Variants in TOLLIP observed in about 807,000 individuals in gnomAD.
TOLLIP encodes the protein toll-interacting protein.
Under a neutral mutation model 33.5 loss-of-function variants are expected in TOLLIP, and 16 were observed. The observed-to-expected ratio is 0.48, with a 90% CI of 0.32 to 0.72. The LOEUF (loss-of-function observed/expected upper bound fraction) is 0.72, where lower values mean the gene tolerates loss of function less well. TOLLIP is among the 30% of genes least tolerant of loss of function. The pLI is 0.03. For synonymous variants in TOLLIP, 176 were observed against 163.7 expected (o/e 1.07, Z -0.57); for missense variants, 325 against 396.6 (o/e 0.82, Z 1.53).
intron 1 of TOLLIP, among the ~76,000 whole-genome samples, chr11:1,301,822 G>T (rs528630262): frequency 6.6e-6 from 1 of 152,246 alleles, no homozygotes; most frequent in African/African-American, 2.4e-5. Flanking sequence ...TGGCTAAAGG[G>T]ACAGAGGAAG....
rs1864345726 is a variant in TOLLIP at position 1,303,583 on chromosome 11, C to T, written c.33+5883G>A. ...AAGGCCGGGTGGCAGGGGCACGCTG[C>T]ACTTCCCACAGGGCAGCAAGGCAGG... On this transcript the variant is annotated intron_variant, in intron 1 of 5. Coordinates refer to ENST00000317204, the MANE Select transcript of TOLLIP (RefSeq NM_019009.4). The surrounding 1 kb of genome is among the most constrained non-coding windows in gnomAD (Gnocchi z 4.2). 6.6e-6 allele frequency among the ~76,000 whole-genome samples: 1 copy of T among 152,230 alleles called. No individual in the cohort carries two copies. Among genetic ancestry groups the T allele is most frequent in the South Asian group, 2.1e-4 (1 of 4,836 alleles).
At chr11:1,297,411 T>C (rs892583032) in intron 1 of TOLLIP, among the ~76,000 whole-genome samples, 1 of 152,026 alleles carries the variant, frequency 6.6e-6, no homozygotes, top group Non-Finnish European at 1.5e-5. Context: ...CCAATGTGAG[T>C]AAACAGAAGG....
intron 1 of TOLLIP, chr11:1,306,319 A>G (rs374624012): frequency 3.3e-5 from 5 of 152,172 alleles, no homozygotes; most frequent in African/African-American, 1.2e-4. Flanking sequence ...CCCAAGGACA[A>G]AAGAACCCTC....
At position 1,276,968 on chromosome 11, in the gene TOLLIP, C is replaced by A; in HGVS notation, c.*71G>T. ...CTCTTTCACGGGAATCTTGTTGGGA[C>A]AGCATTCCTTGGGGAGCGCCGGGTC... On this transcript the variant is annotated 3_prime_UTR_variant, in exon 6 of 6. Coordinates refer to ENST00000317204, the MANE Select transcript of TOLLIP (RefSeq NM_019009.4). 6.3e-7 allele frequency: 1 copy of A among 1,590,916 alleles called. No individual in the cohort carries two copies. Among genetic ancestry groups the A allele is most frequent in the Non-Finnish European group, 8.6e-7 (1 of 1,165,476 alleles).
chr11:1,299,404 C>T (rs1392176731), intron 1 of TOLLIP, among the ~76,000 whole-genome samples: 1 of 152,160 alleles, frequency 6.6e-6, no homozygotes, highest in Non-Finnish European at 1.5e-5. Context: ...TCATGCTTCA[C>T]GAGTCACAGG....
chr11:1,300,325 A>G (rs1024638390), intron 1 of TOLLIP, among the ~76,000 whole-genome samples: 1 of 152,162 alleles, frequency 6.6e-6, no homozygotes, highest in Non-Finnish European at 1.5e-5. Context: ...ACTGACGACC[A>G]TTCCTCCCTC....
chr11:1,295,533 C>G, intron 2 of TOLLIP, 112 bp downstream of exon 2: 1 of 1,304,662 alleles, frequency 7.7e-7, no homozygotes, highest in South Asian at 1.6e-5. Flanking sequence ...AAGCGGGAAT[C>G]AGAAGTTCTG....
intron 4 of TOLLIP, among the ~76,000 whole-genome samples, chr11:1,286,468 T>G (rs193236650): frequency 1.3e-5 from 2 of 152,350 alleles, no homozygotes; most frequent in East Asian, 3.9e-4. Flanking sequence ...CATAAGTCAC[T>G]GCACTGCTGT....
intron 3 of TOLLIP, among the ~76,000 whole-genome samples, chr11:1,289,123 TC>T (rs1346059133): frequency 2.0e-5 from 3 of 152,032 alleles, no homozygotes; most frequent in African/African-American, 7.2e-5. Flanking sequence ...CCATCCTTGC[TC>T]CACCGGCTGC....
intron 1 of TOLLIP, among the ~76,000 whole-genome samples, chr11:1,305,080 A>G (rs1227486901): frequency 6.6e-6 from 1 of 152,252 alleles, no homozygotes; most frequent in African/African-American, 2.4e-5. Flanking sequence ...TGGCCATGCC[A>G]GTATCAGACA....
chr11:1,307,445 G>C (rs566840188), intron 1 of TOLLIP, among the ~76,000 whole-genome samples: 2 of 152,202 alleles, frequency 1.3e-5, no homozygotes, highest in Non-Finnish European at 2.9e-5. Context: ...GTGCCCCTCA[G>C]AACAGGAAGG....
chr11:1,284,045 C>A (rs1414370899), intron 5 of TOLLIP, among the ~76,000 whole-genome samples: 3 of 152,238 alleles, frequency 2.0e-5, no homozygotes. Flanking sequence ...CGGCTCTGGG[C>A]TGTCCCAGTT....
At chr11:1,288,856 G>A (rs538927132) in intron 3 of TOLLIP, 80 bp from the exon 4 acceptor site, 94 of 1,482,876 alleles carry the variant, frequency 6.3e-5, no homozygotes, top group African/African-American at 5.5e-5. Flanking sequence ...TCGTGGGCCC[G>A]CCTCGAGTCC....
chr11:1,285,607 G>A (rs1013729598), intron 5 of TOLLIP, among the ~76,000 whole-genome samples: 10 of 152,038 alleles, frequency 6.6e-5, no homozygotes, highest in Admixed American at 4.6e-4. Flanking sequence ...CAGGGCACGC[G>A]TCACCCAATG....
rs1225556099 is a variant in TOLLIP at position 1,274,817 on chromosome 11, C to T, written c.*2222G>A. 3.9e-5 allele frequency: 6 copies of T among 152,164 alleles called. No individual in the cohort carries two copies. 9.4% of individuals were successfully genotyped at this position (152,164 alleles called of 1,614,324 possible). On this transcript the variant is annotated 3_prime_UTR_variant, in exon 6 of 6. Transcript: ENST00000317204. ...CTCCCCTTGTGAGCTGGCAGACAAG[C>T]CTGTCCTTCTGAGTGTGACGACCTC...
chr11:1,286,798 A>G (rs1289587531), intron 4 of TOLLIP, among the ~76,000 whole-genome samples: 8 of 151,930 alleles, frequency 5.3e-5, no homozygotes, highest in Non-Finnish European at 8.8e-5. Flanking sequence ...CTCTGAGTTC[A>G]AAACTGTCAA....
chr11:1,288,878 G>A, intron 3 of TOLLIP, 102 bp from the exon 4 acceptor site: 1 of 1,322,374 alleles, frequency 7.6e-7, no homozygotes, highest in Non-Finnish European at 1.0e-6. Flanking sequence ...CGTCTTATCT[G>A]TGGAACAGGG....
chr11:1,304,251 C>T (rs1326670274), intron 1 of TOLLIP, among the ~76,000 whole-genome samples: 1 of 151,186 alleles, frequency 6.6e-6, no homozygotes, highest in East Asian at 2.0e-4. Context: ...GGAGTACTGT[C>T]CACCTGGAGT....
Position 1,295,808 on chromosome 11 carries a change from G to T in TOLLIP, c.34-14C>A. On this transcript the variant is annotated splice_polypyrimidine_tract_variant and intron_variant, in intron 1 of 5. Transcript: ENST00000317204. Reference sequence around the variant, plus strand: ...ACCGATGTACACCTGCGGGGCCGGGGACCAGAGAGGCCAGTGAGTCAGGGT... The same window carrying T: ...ACCGATGTACACCTGCGGGGCCGGGTACCAGAGAGGCCAGTGAGTCAGGGT... 1 of 1,541,014 alleles carries T rather than the reference G, an allele frequency of 6.5e-7. No individual in the cohort carries two copies. Among genetic ancestry groups the T allele is most frequent in the Non-Finnish European group, 8.8e-7 (1 of 1,139,412 alleles).
Sources: allele counts gnomAD v4.1 joint callset (sites outside exome capture counted in the v4.1 genomes callset), GRCh38; gene constraint gnomAD v4.1.1; non-coding constraint Gnocchi (gnomAD v3.1); transcripts MANE v1.5; gene names NCBI Gene and HGNC (gene_info 2026-07-23, HGNC 2026-07-21).